The following LCK variants were observed in gnomAD, a reference collection of about 807,000 sequenced individuals.
The protein encoded by LCK is LCK proto-oncogene, Src family tyrosine kinase.
Under a neutral mutation model 64.6 loss-of-function variants are expected in LCK, and 14 were observed. The ratio of observed to expected loss-of-function variants is 0.22; its 90% CI spans 0.14 to 0.34. The LOEUF (loss-of-function observed/expected upper bound fraction) is 0.34, where lower values mean the gene tolerates loss of function less well. Ranked by LOEUF, LCK falls within the 10% of genes least tolerant of loss-of-function variation. LCK has a pLI of 1.00. For synonymous variants in LCK, 277 were observed against 263.6 expected (o/e 1.05, Z -0.49); for missense variants, 434 against 668.1 (o/e 0.65, Z 3.86).
intron 1 of LCK, among the ~76,000 whole-genome samples, chr1:32,266,445 T>C (rs1365328956): frequency 7.1e-6 from 1 of 141,398 alleles, no homozygotes; most frequent in East Asian, 2.1e-4. Context: ...TTGCAGTGAA[T>C]GAGTCGTGAT....
intron 12 of LCK, among the ~76,000 whole-genome samples, chr1:32,282,219 G>T (rs749462602): frequency 3.3e-5 from 5 of 152,196 alleles, no homozygotes; most frequent in Non-Finnish European, 7.3e-5. Flanking sequence ...GGTCCTCACT[G>T]CTCCTTCCCG....
chr1:32,284,251 G>GATATATATAT (rs149802834), intron 12 of LCK, among the ~76,000 whole-genome samples: 38 of 138,540 alleles, frequency 2.7e-4, no homozygotes, highest in African/African-American at 9.3e-4. Flanking sequence ...TGCTTTCTGT[G>GATATATATAT]ATATATATAT....
rs181066770 is a variant in LCK at position 32,254,638 on chromosome 1, G to A, written c.-6+3267G>A. On this transcript the variant is annotated intron_variant, in intron 1 of 12. Transcript: ENST00000336890. Reference sequence around the variant, plus strand: ...AGTGATTCTGCTGCCTCAGCCTCCCGAGTAGCTGGGATTACAGGCATGGAC... The same window carrying A: ...AGTGATTCTGCTGCCTCAGCCTCCCAAGTAGCTGGGATTACAGGCATGGAC... Among the ~76,000 whole-genome samples, 548 of 152,008 alleles carry A rather than the reference G, an allele frequency of 3.6e-3. 2 individuals are homozygous for A. Among genetic ancestry groups the A allele is most frequent in the African/African-American group, 0.012 (511 of 41,456 alleles).
chr1:32,273,154 A>AGT (rs201360648), intron 1 of LCK, among the ~76,000 whole-genome samples: 2 of 22,404 alleles, frequency 8.9e-5, no homozygotes, highest in East Asian at 1.5e-3. Context: ...GTGGGGGGTG[A>AGT]GTGTGTGTGT....
chr1:32,270,773 G>A (rs1032532767), intron 1 of LCK, among the ~76,000 whole-genome samples: 5 of 132,982 alleles, frequency 3.8e-5, no homozygotes, highest in Admixed American at 8.7e-5. Flanking sequence ...GCGCAATTCC[G>A]GCTCACTGCA....
chr1:32,271,355 C>G (rs762913490), intron 1 of LCK, among the ~76,000 whole-genome samples: 1 of 152,130 alleles, frequency 6.6e-6, no homozygotes, highest in Non-Finnish European at 1.5e-5. Context: ...TTAAGCATAC[C>G]TCTGTGGGCC....
At chr1:32,253,538 C>A (rs182218741) in intron 1 of LCK, among the ~76,000 whole-genome samples, 2 of 152,194 alleles carry the variant, frequency 1.3e-5, no homozygotes, top group Non-Finnish European at 2.9e-5. Flanking sequence ...CACCTCGGCC[C>A]CCCAAAGTGC....
intron 1 of LCK, among the ~76,000 whole-genome samples, chr1:32,270,669 A>G (rs1197501359): frequency 6.8e-6 from 1 of 146,946 alleles, no homozygotes. Flanking sequence ...CTGGGATTAC[A>G]GGAATGAGCC....
chr1:32,255,111 T>C (rs1281282621), intron 1 of LCK, among the ~76,000 whole-genome samples: 1 of 152,220 alleles, frequency 6.6e-6, no homozygotes, highest in Non-Finnish European at 1.5e-5. Flanking sequence ...ATTTGGTGTG[T>C]GTCCTTCCAG....
intron 9 of LCK, 178 bp from the exon 10 acceptor site, chr1:32,279,493 C>CA (rs577896382): frequency 5.9e-5 from 74 of 1,247,540 alleles, no homozygotes; most frequent in Middle Eastern, 5.2e-4. Flanking sequence ...AGCCCCTCTG[C>CA]AAAAAAACCT....
intron 12 of LCK, among the ~76,000 whole-genome samples, chr1:32,284,331 G>A (rs566233512): frequency 4.1e-5 from 6 of 145,934 alleles, no homozygotes; most frequent in Non-Finnish European, 9.0e-5. Flanking sequence ...ATATATGTGA[G>A]ATATATATAT....
At chr1:32,254,670 G>A (rs1408267028) in intron 1 of LCK, among the ~76,000 whole-genome samples, 2 of 152,044 alleles carry the variant, frequency 1.3e-5, no homozygotes, top group African/African-American at 2.4e-5. Flanking sequence ...GGACCACCAC[G>A]CCCGGCTAAT....
chr1:32,272,993 CGTGT>C (rs955071986), intron 1 of LCK, among the ~76,000 whole-genome samples: 3 of 117,990 alleles, frequency 2.5e-5, no homozygotes, highest in Non-Finnish European at 5.3e-5. Context: ...GGGGTGAATG[CGTGT>C]GTGTGTGTAT....
chr1:32,268,021 C>A (rs1210025899), intron 1 of LCK, among the ~76,000 whole-genome samples: 1 of 151,824 alleles, frequency 6.6e-6, no homozygotes, highest in Non-Finnish European at 1.5e-5. Context: ...GATGAAACCC[C>A]ATCTCTACTA....
intron 1 of LCK, among the ~76,000 whole-genome samples, chr1:32,270,140 T>C (rs1391256738): frequency 2.6e-5 from 4 of 152,052 alleles, no homozygotes; most frequent in African/African-American, 7.2e-5. Context: ...AGACAGAGTC[T>C]CTGTCACCCA....
chr1:32,264,944 C>T (rs371004057), intron 1 of LCK, among the ~76,000 whole-genome samples: 3 of 152,010 alleles, frequency 2.0e-5, no homozygotes, highest in South Asian at 2.1e-4. Flanking sequence ...CAGTGGCTCT[C>T]GCTTGTAATC....
intron 1 of LCK, among the ~76,000 whole-genome samples, chr1:32,260,563 A>T (rs1639742115): frequency 6.6e-6 from 1 of 152,114 alleles, no homozygotes; most frequent in Non-Finnish European, 1.5e-5. Context: ...AGAGAAACTG[A>T]ACTAAAGAAA....
chr1:32,283,312 A>AT (rs1249128455), intron 12 of LCK, among the ~76,000 whole-genome samples: 3 of 150,778 alleles, frequency 2.0e-5, no homozygotes, highest in African/African-American at 4.9e-5. Flanking sequence ...AAAAAAAAAA[A>AT]TTGTGAGAGT....
At chr1:32,271,630 C>A (rs1291234176) in intron 1 of LCK, among the ~76,000 whole-genome samples, 1 of 152,204 alleles carries the variant, frequency 6.6e-6, no homozygotes, top group African/African-American at 2.4e-5. Context: ...GGTCATTGCA[C>A]TGCAGTCTGG....
Sources: gnomAD v4.1 joint callset for allele counts (sites outside exome capture counted in the v4.1 genomes callset) on GRCh38, gnomAD v4.1.1 for gene constraint, MANE v1.5 for transcripts, NCBI Gene and HGNC (gene_info 2026-07-23, HGNC 2026-07-21) for gene names.